The following SAMD3 variants were observed in gnomAD, a reference collection of about 807,000 sequenced individuals.
SAMD3 encodes sterile alpha motif domain-containing protein 3.
In SAMD3, 63 loss-of-function variants were observed where a neutral mutation model predicts 58.5. The observed-to-expected ratio is 1.08, with a 90% CI of 0.88 to 1.33. SAMD3 has a LOEUF of 1.33. Among genes scored for constraint, SAMD3 ranks in the 40% most tolerant of loss-of-function variants. SAMD3 has a pLI of 0.00. For missense variants in SAMD3, 604 were observed against 608.4 expected (o/e 0.99, Z 0.08); for synonymous variants, 220 against 210.3 (o/e 1.05, Z -0.40).
At chr6:130,217,448 G>C (rs1042964703) in intron 1 of SAMD3, among the ~76,000 whole-genome samples, 3 of 152,116 alleles carry the variant, frequency 2.0e-5, no homozygotes, top group African/African-American at 7.2e-5. Flanking sequence ...ATGTATGAAT[G>C]CTCCTGACAA....
At chr6:130,253,291 C>T (rs2114912249) in intron 2 of SAMD3, among the ~76,000 whole-genome samples, 1 of 152,178 alleles carries the variant, frequency 6.6e-6, no homozygotes, top group Admixed American at 6.5e-5. Context: ...CTCTCGGAGG[C>T]AGAAAGAATA....
intron 2 of SAMD3, among the ~76,000 whole-genome samples, chr6:130,308,022 T>C (rs1293703936): frequency 6.6e-6 from 1 of 152,194 alleles, no homozygotes; most frequent in Non-Finnish European, 1.5e-5. Context: ...ACTTAAGTTT[T>C]TAAAGAACAC....
At chr6:130,363,076 C>T (rs1778033014) in intron 1 of SAMD3, among the ~76,000 whole-genome samples, 1 of 152,040 alleles carries the variant, frequency 6.6e-6, no homozygotes, top group South Asian at 2.1e-4. Flanking sequence ...GAAAAAGCAC[C>T]CATGGCTGCT....
intron 5 of SAMD3, among the ~76,000 whole-genome samples, chr6:130,188,416 T>A (rs948746945): frequency 2.0e-5 from 3 of 152,254 alleles, no homozygotes; most frequent in Non-Finnish European, 2.9e-5. Flanking sequence ...ACACAGTGAT[T>A]TTTTGTTGAA....
intron 2 of SAMD3, among the ~76,000 whole-genome samples, chr6:130,283,639 G>A (rs2114953608): frequency 6.6e-6 from 1 of 152,170 alleles, no homozygotes; most frequent in East Asian, 1.9e-4. Context: ...TGTTAATCTA[G>A]AATAAATTAT....
At chr6:130,170,269 C>A (rs535458847) in intron 8 of SAMD3, among the ~76,000 whole-genome samples, 1 of 152,296 alleles carries the variant, frequency 6.6e-6, no homozygotes, top group African/African-American at 2.4e-5. Flanking sequence ...TTGTTCAATT[C>A]CAACTTATGA....
intron 9 of SAMD3, among the ~76,000 whole-genome samples, chr6:130,150,542 G>C (rs536259855): frequency 1.1e-3 from 166 of 152,192 alleles, no homozygotes; most frequent in Non-Finnish European, 2.0e-3. Flanking sequence ...GGTCCTGTCA[G>C]ACTTGATTTT....
intron 9 of SAMD3, among the ~76,000 whole-genome samples, chr6:130,153,666 T>TATATATATATATATATATATA (rs58896049): frequency 0.034 from 3,019 of 89,034 alleles, 134 homozygotes; most frequent in Non-Finnish European, 0.048. Flanking sequence ...ATATATATAT[T>TATATATATATATATATATATA]TATTTATTTA....
At chr6:130,251,743 C>T (rs947111551) in intron 2 of SAMD3, among the ~76,000 whole-genome samples, 1 of 152,070 alleles carries the variant, frequency 6.6e-6, no homozygotes, top group Non-Finnish European at 1.5e-5. Context: ...TGTGCCAGTA[C>T]CATACAATCT....
At chr6:130,271,196 C>T (rs553743710) in intron 2 of SAMD3, among the ~76,000 whole-genome samples, 130 of 152,028 alleles carry the variant, frequency 8.6e-4, no homozygotes, top group African/African-American at 2.6e-3. Flanking sequence ...GACAGGGTTT[C>T]GCCATGTTGC....
At chr6:130,157,945 CA>C (rs58335490) in intron 8 of SAMD3, among the ~76,000 whole-genome samples, 119,117 of 145,754 alleles carry the variant, frequency 0.82, 48,325 homozygotes, top group East Asian at 0.93. Flanking sequence ...TTATATTTTG[CA>C]AAAAAAAAAA....
chr6:130,297,292 C>T (rs957712809), intron 2 of SAMD3, among the ~76,000 whole-genome samples: 1 of 152,120 alleles, frequency 6.6e-6, no homozygotes, highest in Non-Finnish European at 1.5e-5. Flanking sequence ...GAGTCTTGGC[C>T]CACTGAAAAC....
exon 2 of SAMD3, chr6:130,313,052 T>C (rs925280768): frequency 1.2e-4 from 18 of 152,224 alleles, no homozygotes; most frequent in Non-Finnish European, 2.5e-4. Context: ...AGTGGTTCAG[T>C]AGTGGTTCAA....
exon 1 of SAMD3, chr6:130,365,285 C>T: frequency 4.1e-6 from 4 of 985,426 alleles, no homozygotes; most frequent in Non-Finnish European, 4.8e-6. Context: ...ATCCGCACTG[C>T]TCATCGAAGA....
intron 2 of SAMD3, among the ~76,000 whole-genome samples, chr6:130,252,280 A>G (rs997737871): frequency 2.0e-5 from 3 of 152,038 alleles, no homozygotes; most frequent in African/African-American, 7.2e-5. Context: ...CTTCCAACTT[A>G]TTTGCATTTT....
rs747725442 is a variant in SAMD3, at chr6:130,154,822, T to C, written c.1023+3A>G. On this transcript the variant is annotated splice_donor_region_variant and intron_variant, in intron 9 of 11. Transcript: ENST00000439090. ...TGTGTATATATATATAGAATAAAGA[T>C]ACCTGATAAGGGCACTTCAAGAAAG... 2 of 1,595,964 alleles carry C rather than the reference T, an allele frequency of 1.3e-6. No individual in the cohort carries two copies. Among genetic ancestry groups the C allele is most frequent in the South Asian group, 2.2e-5 (2 of 90,542 alleles).
At chr6:130,312,814 T>C (rs1776223838) in intron 2 of SAMD3, among the ~76,000 whole-genome samples, 1 of 152,166 alleles carries the variant, frequency 6.6e-6, no homozygotes. Context: ...CACACATATC[T>C]TTTGTTTGTT....
In SAMD3 at chr6:130,189,873, A is replaced by G. The variant is rs565534444; in HGVS notation, c.384-5250T>C. ...GAAGCCTACACTTAGAACAAGAGGA[A>G]GACACTGGGCCTTTGATGAGGTTCC... On this transcript the variant is annotated intron_variant, in intron 5 of 11. Coordinates refer to ENST00000439090, the MANE Select transcript of SAMD3 (RefSeq NM_001017373.4). Among the ~76,000 whole-genome samples the G allele has an allele frequency of 4.6e-5, 7 of 152,372 alleles. No individual in the cohort carries two copies. In the East Asian group the frequency reaches 9.6e-4, roughly 21 times the overall value.
At chr6:130,338,616 A>G (rs1777172394) in intron 1 of SAMD3, among the ~76,000 whole-genome samples, 1 of 152,210 alleles carries the variant, frequency 6.6e-6, no homozygotes, top group South Asian at 2.1e-4. Context: ...AGGCTGTGGG[A>G]GCTCACCCTT....
Sources: allele counts gnomAD v4.1 joint callset (sites outside exome capture counted in the v4.1 genomes callset), GRCh38; gene constraint gnomAD v4.1.1; transcripts MANE v1.5; gene names NCBI Gene and HGNC (gene_info 2026-07-23, HGNC 2026-07-21).